The following TXNDC11 variants were observed in gnomAD, a reference collection of about 807,000 sequenced individuals.
TXNDC11 encodes the protein thioredoxin domain containing 11.
In TXNDC11, 68 loss-of-function variants were observed where a neutral mutation model predicts 78.0. The ratio of observed to expected loss-of-function variants is 0.87; its 90% CI spans 0.72 to 1.07. The LOEUF is 1.07. TXNDC11 is among the 50% of genes least tolerant of loss of function. TXNDC11 has a pLI of 0.00. For missense variants in TXNDC11, 1,389 were observed against 1,221.8 expected (o/e 1.14, Z -2.04); for synonymous variants, 571 against 495.2 (o/e 1.15, Z -2.03).
intron 11 of TXNDC11, among the ~76,000 whole-genome samples, chr16:11,681,646 C>T (rs1022804780): frequency 1.3e-5 from 2 of 152,178 alleles, no homozygotes; most frequent in African/African-American, 4.8e-5. Flanking sequence ...ATCAGAGTCT[C>T]TTGGTGGACA....
chr16:11,682,705 T>A (rs2050455406), intron 11 of TXNDC11, among the ~76,000 whole-genome samples: 2 of 152,228 alleles, frequency 1.3e-5, no homozygotes, highest in Non-Finnish European at 2.9e-5. Context: ...GTGTTAGTGT[T>A]ACTGTCCGTG....
intron 5 of TXNDC11, among the ~76,000 whole-genome samples, chr16:11,715,061 G>C (rs908389676): frequency 6.6e-6 from 1 of 152,074 alleles, no homozygotes; most frequent in Admixed American, 6.5e-5. Flanking sequence ...GACCAGCCTG[G>C]GCAACACAGT....
chr16:11,704,491 T>C (rs770068501), intron 5 of TXNDC11, among the ~76,000 whole-genome samples: 4 of 152,202 alleles, frequency 2.6e-5, no homozygotes, highest in Admixed American at 6.5e-5. Flanking sequence ...GATAGTAACT[T>C]TTCAGTGGAG....
In TXNDC11 at chr16:11,706,898, T is replaced by C. The variant is rs1174718584; in HGVS notation, c.794-6334A>G. Among the ~76,000 whole-genome samples, 5 of 152,284 alleles carry C rather than the reference T, an allele frequency of 3.3e-5. No individual in the cohort carries two copies. In the East Asian group the frequency reaches 9.6e-4, roughly 29 times the overall value. ...TTTGAACTGCGTGGGTCCACTTACATGCATATTTTTTTTAACGAAACACAG... is the reference window on the plus strand; with the variant it reads ...TTTGAACTGCGTGGGTCCACTTACACGCATATTTTTTTTAACGAAACACAG... On this transcript the variant is annotated intron_variant, in intron 5 of 11. Transcript: ENST00000283033.
intron 5 of TXNDC11, among the ~76,000 whole-genome samples, chr16:11,714,556 C>T (rs765915325): frequency 6.6e-6 from 1 of 151,908 alleles, no homozygotes; most frequent in South Asian, 2.1e-4. Context: ...AGGAAAATGG[C>T]GTGAACCCGG....
rs1234232237 is a variant in TXNDC11, at chr16:11,742,852, A to AGCCGCGCCGCCGCCGCGGGGTCC, written c.-123_-122insGGACCCCGCGGCGGCGGCGCGGC. On this transcript the variant is annotated 5_prime_UTR_variant, in exon 1 of 12. Coordinates refer to ENST00000283033, the MANE Select transcript of TXNDC11 (RefSeq NM_015914.7). ...CCCGCTAACCCGGACGCTCCACGTC[A>AGCCGCGCCGCCGCCGCGGGGTCC]GCCGCGCCGCCGCCGCGGGGTCCGC... 31 of 1,301,538 alleles carry AGCCGCGCCGCCGCCGCGGGGTCC rather than the reference A, an allele frequency of 2.4e-5. No individual in the cohort carries two copies. The Admixed American group carries it at 4.3e-4, about 18-fold the overall frequency. The allele number at this position is 1,301,538 out of a possible 1,614,324, so 80.6% of individuals were successfully genotyped here. A position where few individuals can be genotyped will look rare whatever the true frequency, so the allele number is the denominator to read the frequency against.
chr16:11,703,509 TACACACACACACAC>T (rs34963301), intron 5 of TXNDC11, among the ~76,000 whole-genome samples: 1,893 of 145,038 alleles, frequency 0.013, 37 homozygotes, highest in African/African-American at 0.047. Flanking sequence ...AGGCTTTTGA[TACACACACACACAC>T]ACACACACAC....
chr16:11,715,945 A>G (rs536058815), intron 5 of TXNDC11, among the ~76,000 whole-genome samples: 11 of 152,322 alleles, frequency 7.2e-5, no homozygotes, highest in Non-Finnish European at 1.3e-4. Context: ...TATAAAGACT[A>G]TTATTTTACT....
chr16:11,704,627 C>CA (rs2051127680), intron 5 of TXNDC11, among the ~76,000 whole-genome samples: 1 of 152,146 alleles, frequency 6.6e-6, no homozygotes, highest in South Asian at 2.1e-4. Context: ...GTATTGCTGT[C>CA]AAAAGACATG....
At chr16:11,709,664 T>G (rs1343701392) in intron 5 of TXNDC11, among the ~76,000 whole-genome samples, 1 of 151,808 alleles carries the variant, frequency 6.6e-6, no homozygotes, top group Non-Finnish European at 1.5e-5. Flanking sequence ...CTCGATCTCC[T>G]GACCTCGTGA....
In TXNDC11 at chr16:11,691,723, G is replaced by C. The variant is rs757224605; in HGVS notation, c.1467C>G (p.Ser489Arg). 3.7e-6 allele frequency: 6 copies of C among 1,614,234 alleles called. No individual in the cohort carries two copies. Among genetic ancestry groups the C allele is most frequent in the Non-Finnish European group, 5.1e-6 (6 of 1,180,052 alleles). ...AAGTTAAAAAATTGCTGCATTCTAT[G>C]CTGTCTGATGCCACATGATAAAAGG... The part of the protein sequence containing the change: ...EQTFYHVASD[S>R]IECSNFLTSY... The change falls in exon 8 of 12, where the codon AGC becomes AGG. Residue 489 changes from serine to arginine, a missense_variant. Physicochemically the swap from Ser to Arg is moderately radical, Grantham distance 110. Coordinates refer to ENST00000283033, the MANE Select transcript of TXNDC11 (RefSeq NM_015914.7).
At chr16:11,699,588 T>TA (rs2050953364) in intron 6 of TXNDC11, among the ~76,000 whole-genome samples, 1 of 152,200 alleles carries the variant, frequency 6.6e-6, no homozygotes, top group South Asian at 2.1e-4. Flanking sequence ...CTGCAAGAAG[T>TA]AAAGCACAGC....
chr16:11,693,697 T>C (rs2050781055), intron 7 of TXNDC11, among the ~76,000 whole-genome samples: 1 of 152,234 alleles, frequency 6.6e-6, no homozygotes, highest in South Asian at 2.1e-4. Flanking sequence ...AAGAAGTCAC[T>C]TTAGATGATA....
chr16:11,705,117 G>A (rs940255326), intron 5 of TXNDC11, among the ~76,000 whole-genome samples: 4 of 151,926 alleles, frequency 2.6e-5, no homozygotes, highest in South Asian at 4.2e-4. Context: ...GGATGATCTC[G>A]AACTCCTAAC....
At chr16:11,737,978 A>G (rs934328838) in intron 1 of TXNDC11, among the ~76,000 whole-genome samples, 1 of 152,234 alleles carries the variant, frequency 6.6e-6, no homozygotes, top group Non-Finnish European at 1.5e-5. Flanking sequence ...GACACAGGAT[A>G]AAGGCATAAG....
At chr16:11,705,612 G>C (rs907608357) in intron 5 of TXNDC11, among the ~76,000 whole-genome samples, 1 of 152,078 alleles carries the variant, frequency 6.6e-6, no homozygotes, top group Non-Finnish European at 1.5e-5. Flanking sequence ...AGTTAAAAGG[G>C]GCCATTCAAA....
At chr16:11,738,741 C>T (rs2052302969) in intron 1 of TXNDC11, among the ~76,000 whole-genome samples, 1 of 152,030 alleles carries the variant, frequency 6.6e-6, no homozygotes, top group Admixed American at 6.5e-5. Flanking sequence ...ATTCAAACTG[C>T]ACATGGCCAA....
At chr16:11,703,662 G>A (rs1164946145) in intron 5 of TXNDC11, 26 of 702,560 alleles carry the variant, frequency 3.7e-5, no homozygotes, top group Non-Finnish European at 1.0e-5. Flanking sequence ...TAATACCAAA[G>A]AGCATACCTA....
intron 6 of TXNDC11, among the ~76,000 whole-genome samples, chr16:11,700,095 C>G (rs936541658): frequency 1.3e-5 from 2 of 152,168 alleles, no homozygotes; most frequent in Non-Finnish European, 2.9e-5. Context: ...CAGATAAACA[C>G]AGAACATCAC....
Sources: gnomAD v4.1 joint callset for allele counts (sites outside exome capture counted in the v4.1 genomes callset) on GRCh38, gnomAD v4.1.1 for gene constraint, MANE v1.5 for transcripts, NCBI Gene and HGNC (gene_info 2026-07-23, HGNC 2026-07-21) for gene names.